ZBTB16: variants seen among roughly 807,000 people sequenced by gnomAD.
The protein encoded by ZBTB16 is zinc finger and BTB domain containing 16, also known as zinc finger and BTB domain-containing protein 16.
ZBTB16 carries 8 observed loss-of-function variants against 56.8 expected under a neutral mutation model. The observed-to-expected ratio is 0.14, with a 90% CI of 0.08 to 0.25. The LOEUF is 0.25. Ranked by LOEUF, ZBTB16 falls within the 10% of genes least tolerant of loss-of-function variation. The pLI is 1.00. For synonymous variants in ZBTB16, 363 were observed against 368.5 expected, an observed-to-expected ratio of 0.98 and a Z score of 0.17; for missense variants, 625 against 903.0, an observed-to-expected ratio of 0.69 and a Z score of 3.95.
intron 4 of ZBTB16, among the ~76,000 whole-genome samples, chr11:114,230,383 C>T (rs1473598373): frequency 6.6e-6 from 1 of 152,126 alleles, no homozygotes; most frequent in African/African-American, 2.4e-5. Flanking sequence ...TCTATGTATG[C>T]TCTGGGAGCT....
Position 114,112,598 on chromosome 11 carries a change from T to A in ZBTB16, c.1269-43739T>A, listed in dbSNP as rs552349278. On this transcript the variant is annotated intron_variant, in intron 2 of 6. Coordinates refer to ENST00000335953, the MANE Select transcript of ZBTB16 (RefSeq NM_006006.6). ...AGGGAAATATTGTCCTTTTGGCATG[T>A]ACTTGAACCATAAAGATTTCTCTAC... is the stretch of plus-strand genomic sequence containing the variant. 1.2e-4 allele frequency among the ~76,000 whole-genome samples: 18 copies of A among 152,268 alleles called. No individual in the cohort carries two copies. In the South Asian group the frequency reaches 3.5e-3, roughly 30 times the overall value.
At chr11:114,110,657 C>T (rs981526629) in intron 2 of ZBTB16, among the ~76,000 whole-genome samples, 1 of 152,106 alleles carries the variant, frequency 6.6e-6, no homozygotes, top group Non-Finnish European at 1.5e-5. Flanking sequence ...CTTCAGGATG[C>T]AGGATCTAAT....
intron 3 of ZBTB16, among the ~76,000 whole-genome samples, chr11:114,185,876 A>G (rs1362931658): frequency 6.6e-6 from 1 of 152,248 alleles, no homozygotes; most frequent in East Asian, 1.9e-4. Context: ...AGCCTTCTAA[A>G]TAACAGTTCT....
chr11:114,086,721 A>G (rs1939968228), intron 2 of ZBTB16, among the ~76,000 whole-genome samples: 1 of 152,174 alleles, frequency 6.6e-6, no homozygotes, highest in Non-Finnish European at 1.5e-5. Flanking sequence ...TTTCAGAGTT[A>G]TTCTCTCCAG....
At chr11:114,245,007 C>T (rs141650374) in intron 5 of ZBTB16, among the ~76,000 whole-genome samples, 191 of 152,232 alleles carry the variant, frequency 1.3e-3, no homozygotes, top group African/African-American at 4.5e-3. Flanking sequence ...TAATCGTTGC[C>T]GATTCAGTAA....
At chr11:114,154,178 C>T (rs1286745879) in intron 2 of ZBTB16, among the ~76,000 whole-genome samples, 1 of 152,226 alleles carries the variant, frequency 6.6e-6, no homozygotes, top group Non-Finnish European at 1.5e-5. Flanking sequence ...GGAGTTTAGC[C>T]TGGTGGTGGC....
At chr11:114,231,250 A>G (rs1591800796) in intron 4 of ZBTB16, among the ~76,000 whole-genome samples, 2 of 152,226 alleles carry the variant, frequency 1.3e-5, no homozygotes, top group East Asian at 3.9e-4. Context: ...GTAAATGCCT[A>G]CTATGTGTTG....
At chr11:114,065,635 C>G (rs892253365) in intron 2 of ZBTB16, among the ~76,000 whole-genome samples, 4 of 152,168 alleles carry the variant, frequency 2.6e-5, no homozygotes, top group African/African-American at 4.8e-5. Context: ...AGGATGGTCT[C>G]GAACTCCCGA....
Position 114,255,497 on chromosome 11 carries a change from C to G in ZBTB16, c.*4942C>G, listed in dbSNP as rs1352338711. 7.0e-6 allele frequency among the ~76,000 whole-genome samples: 1 copy of G among 143,558 alleles called. No individual in the cohort carries two copies. Among genetic ancestry groups the G allele is most frequent in the Admixed American group, 6.8e-5 (1 of 14,762 alleles). The allele number at this position is 143,558 out of a possible 152,430, so 94.2% of individuals were successfully genotyped here. A position where few individuals can be genotyped will look rare whatever the true frequency, so the allele number is the denominator to read the frequency against. On this transcript the variant is annotated 3_prime_UTR_variant, in exon 7 of 7. Transcript: ENST00000335953. Reference sequence around the variant, plus strand: ...CCCTCCCCTCCTCCCTCTGGCTCCCCGTCTCATTTCTGTCCACTCCATTCT... The same window carrying G: ...CCCTCCCCTCCTCCCTCTGGCTCCCGGTCTCATTTCTGTCCACTCCATTCT...
intron 4 of ZBTB16, among the ~76,000 whole-genome samples, chr11:114,219,771 G>T (rs1268782201): frequency 6.6e-6 from 1 of 152,198 alleles, no homozygotes. Context: ...CGTGCAGAGT[G>T]GTGTGGGGTG....
intron 4 of ZBTB16, among the ~76,000 whole-genome samples, chr11:114,222,903 C>T (rs980988340): frequency 6.6e-6 from 1 of 152,112 alleles, no homozygotes; most frequent in African/African-American, 2.4e-5. Context: ...GTAGAGGGCT[C>T]AGACTCTGAG....
chr11:114,176,326 C>G (rs1055768984), intron 3 of ZBTB16, among the ~76,000 whole-genome samples: 1 of 152,088 alleles, frequency 6.6e-6, no homozygotes, highest in Non-Finnish European at 1.5e-5. Flanking sequence ...CTTTATTATC[C>G]AGCCTCTCAC....
chr11:114,142,056 C>T (rs752467155), intron 2 of ZBTB16, among the ~76,000 whole-genome samples: 56 of 152,206 alleles, frequency 3.7e-4, no homozygotes, highest in Non-Finnish European at 7.2e-4. Context: ...TCAGGAAATG[C>T]TTAATGAATG....
chr11:114,115,172 A>C (rs1172265840), intron 2 of ZBTB16, among the ~76,000 whole-genome samples: 2 of 152,060 alleles, frequency 1.3e-5, no homozygotes, highest in African/African-American at 4.8e-5. Context: ...GGAGCCTTTT[A>C]CTACCATCTT....
At chr11:114,238,007 T>C (rs1335357159) in intron 4 of ZBTB16, among the ~76,000 whole-genome samples, 1 of 152,202 alleles carries the variant, frequency 6.6e-6, no homozygotes, top group Admixed American at 6.5e-5. Flanking sequence ...GAGAGACCAC[T>C]GTAGGGACAT....
At chr11:114,229,892 A>G (rs1309787176) in intron 4 of ZBTB16, among the ~76,000 whole-genome samples, 3 of 152,174 alleles carry the variant, frequency 2.0e-5, no homozygotes, top group Admixed American at 6.5e-5. Flanking sequence ...TTGAATTGTG[A>G]AAAAAGAGTC....
chr11:114,156,146 G>C (rs993217329), intron 2 of ZBTB16, among the ~76,000 whole-genome samples, 191 bp from the exon 3 acceptor site: 3 of 152,188 alleles, frequency 2.0e-5, no homozygotes, highest in Non-Finnish European at 4.4e-5. Flanking sequence ...TGCTTCACTG[G>C]CTGCAGTCCC....
intron 5 of ZBTB16, among the ~76,000 whole-genome samples, chr11:114,246,024 C>G (rs905150534): frequency 7.2e-5 from 11 of 152,186 alleles, no homozygotes; most frequent in African/African-American, 1.4e-4. Flanking sequence ...CCAAGCCCCC[C>G]ACTTTGGATA....
intron 2 of ZBTB16, among the ~76,000 whole-genome samples, chr11:114,123,543 G>GCATACATACATA (rs1347714110): frequency 1.3e-5 from 2 of 152,158 alleles, no homozygotes; most frequent in South Asian, 2.1e-4. Flanking sequence ...CTGTCTGTGT[G>GCATACATACATA]TATGTAATTA....
Sources: gnomAD v4.1 joint callset for allele counts (sites outside exome capture counted in the v4.1 genomes callset) on GRCh38, gnomAD v4.1.1 for gene constraint, MANE v1.5 for transcripts, NCBI Gene and HGNC (gene_info 2026-07-23, HGNC 2026-07-21) for gene names.